The following RICTOR variants were observed in gnomAD, a reference collection of about 807,000 sequenced individuals.
RICTOR encodes the protein RPTOR independent companion of MTOR complex 2.
RICTOR carries 49 observed loss-of-function variants against 214.9 expected under a neutral mutation model. That is an observed-to-expected ratio of 0.23 (90% CI 0.18 to 0.29). The LOEUF (loss-of-function observed/expected upper bound fraction) is 0.29. Among genes scored for constraint, RICTOR ranks in the 10% least tolerant of loss-of-function variants. The pLI is 1.00. For synonymous variants in RICTOR, 717 were observed against 711.3 expected (o/e 1.01, Z -0.13); for missense variants, 1,625 against 2,047.0 (o/e 0.79, Z 3.98).
At chr5:38,992,943 A>G (rs1425926159) in intron 6 of RICTOR, among the ~76,000 whole-genome samples, 1 of 152,182 alleles carries the variant, frequency 6.6e-6, no homozygotes, top group Admixed American at 6.5e-5. Context: ...TGAGTTACCT[A>G]AGGGGAATAT....
Position 38,975,730 on chromosome 5 carries a change from C to A in RICTOR, c.822-126G>T. On this transcript the variant is annotated intron_variant, in intron 9 of 37. Coordinates refer to ENST00000357387, the MANE Select transcript of RICTOR (RefSeq NM_152756.5). ...TAAACATTTACACATAAAATTAAAACAAGACAAAGATCAGATCTACACTAA... is the reference window on the plus strand; with the variant it reads ...TAAACATTTACACATAAAATTAAAAAAAGACAAAGATCAGATCTACACTAA... The A allele has an allele frequency of 7.2e-6, 4 of 557,822 alleles. No homozygotes were observed. The Admixed American group carries it at 9.4e-5, about 13-fold the overall frequency. 34.6% of individuals were successfully genotyped at this position (557,822 alleles called of 1,614,324 possible). A position where few individuals can be genotyped will look rare whatever the true frequency, so the allele number is the denominator to read the frequency against.
At chr5:38,990,837 T>TATATG (rs1561503657) in intron 7 of RICTOR, 112 bp downstream of exon 7, 28 of 256,094 alleles carry the variant, frequency 1.1e-4, no homozygotes, top group African/African-American at 9.4e-4. Flanking sequence ...ATATATGAGA[T>TATATG]ATATGAGATA....
intron 2 of RICTOR, among the ~76,000 whole-genome samples, chr5:39,038,390 T>C (rs566138530): frequency 6.6e-6 from 1 of 152,234 alleles, no homozygotes; most frequent in Non-Finnish European, 1.5e-5. Flanking sequence ...ACTGGAAGCA[T>C]TCCCTTTCAA....
chr5:39,056,696 A>G (rs1758230700), intron 2 of RICTOR, among the ~76,000 whole-genome samples: 1 of 152,158 alleles, frequency 6.6e-6, no homozygotes, highest in Non-Finnish European at 1.5e-5. Flanking sequence ...AAGAGGAGCT[A>G]CTTCAGACAC....
intron 12 of RICTOR, among the ~76,000 whole-genome samples, 156 bp from the exon 13 acceptor site, chr5:38,967,583 A>G (rs2150033105): frequency 1.3e-5 from 2 of 152,318 alleles, no homozygotes; most frequent in South Asian, 4.1e-4. Context: ...TTAGTTATGT[A>G]AATACACGCA....
chr5:38,938,113 T>A lies in RICTOR; in HGVS notation c.*4191A>T, dbSNP rs2112737611. ...AATTATACACAACTCAATGAAATAT[T>A]CTTACAGAAAAAATATAAATACTTT... is the stretch of plus-strand genomic sequence containing the variant. On this transcript the variant is annotated 3_prime_UTR_variant, in exon 38 of 38. Transcript: ENST00000357387. 1 of 209,820 alleles carries A rather than the reference T, an allele frequency of 4.8e-6. No individual in the cohort carries two copies. Among genetic ancestry groups the A allele is most frequent in the South Asian group, 1.9e-4 (1 of 5,322 alleles). The allele number at this position is 209,820 out of a possible 1,614,324, so 13.0% of individuals were successfully genotyped here.
At chr5:39,021,654 T>C (rs1160142672) in intron 2 of RICTOR, among the ~76,000 whole-genome samples, 5 of 152,130 alleles carry the variant, frequency 3.3e-5, no homozygotes, top group Non-Finnish European at 5.9e-5. Flanking sequence ...CAGTGCTCTC[T>C]TGACCTTCCA....
intron 2 of RICTOR, among the ~76,000 whole-genome samples, chr5:39,051,168 A>C (rs1757816698): frequency 6.6e-6 from 1 of 152,186 alleles, no homozygotes. Flanking sequence ...ATACAAGACT[A>C]TACATAAAAT....
chr5:39,046,204 A>T (rs561637758), intron 2 of RICTOR, among the ~76,000 whole-genome samples: 2 of 151,082 alleles, frequency 1.3e-5, no homozygotes, highest in African/African-American at 4.9e-5. Flanking sequence ...TAGGGGAAAA[A>T]AAAAACAAAA....
intron 2 of RICTOR, among the ~76,000 whole-genome samples, chr5:39,050,957 G>A (rs115117570): frequency 0.019 from 2,867 of 151,882 alleles, 102 homozygotes; most frequent in African/African-American, 0.066. Flanking sequence ...ACAAAAGTAT[G>A]AATCAATAGC....
chr5:39,074,181 C>T, intron 1 of RICTOR, 23 bp from the exon 2 acceptor site: 1 of 1,592,768 alleles, frequency 6.3e-7, no homozygotes, highest in Middle Eastern at 1.7e-4. Context: ...GACACACAGC[C>T]CCAATTAGGA....
At position 39,074,390 on chromosome 5, in the gene RICTOR, C is replaced by T. The variant is rs375502279; in HGVS notation, c.-13G>A. On this transcript the variant is annotated 5_prime_UTR_variant, in exon 1 of 38. Coordinates refer to ENST00000357387, the MANE Select transcript of RICTOR (RefSeq NM_152756.5). ...CGATCGCCGCCATATTGACGGGTTT[C>T]AGTCACAACACCGGAAACCTCGCCC... 7.2e-6 allele frequency: 11 copies of T among 1,535,976 alleles called. No individual in the cohort carries two copies. The highest frequency in any genetic ancestry group is 9.6e-6 in the Non-Finnish European group (11 of 1,140,224).
intron 5 of RICTOR, among the ~76,000 whole-genome samples, chr5:38,997,738 C>A (rs1753282540): frequency 6.6e-6 from 1 of 152,106 alleles, no homozygotes; most frequent in Admixed American, 6.5e-5. Flanking sequence ...CAGGGAGCTC[C>A]ACATTCAACC....
chr5:38,963,500 A>G (rs1345318698), intron 16 of RICTOR, among the ~76,000 whole-genome samples: 1 of 151,964 alleles, frequency 6.6e-6, no homozygotes, highest in African/African-American at 2.4e-5. Flanking sequence ...TATTTTCCAC[A>G]TTGGTCTGTA....
chr5:39,023,411 C>A (rs1423511217), intron 2 of RICTOR, among the ~76,000 whole-genome samples: 2 of 151,690 alleles, frequency 1.3e-5, no homozygotes, highest in Non-Finnish European at 2.9e-5. Context: ...AATGAAGCAA[C>A]ATCTTTAAAG....
Position 38,949,948 on chromosome 5 carries a change from T to G in RICTOR, c.3900A>C (p.Ala1300=), listed in dbSNP as rs1748583404. The change falls in exon 31 of 38, where the codon GCA becomes GCC. Residue 1300 remains alanine, a synonymous_variant. Coordinates refer to ENST00000357387, the MANE Select transcript of RICTOR (RefSeq NM_152756.5). Reference sequence around the variant, plus strand: ...CAATAGAGGGTGCTTTAAGGGACTGTGCTCTTCTAGGAAGCGTATGAGAAG... The same window carrying G: ...CAATAGAGGGTGCTTTAAGGGACTGGGCTCTTCTAGGAAGCGTATGAGAAG... The part of the protein sequence containing the change: ...PGSSHTLPRR[A]QSLKAPSIAT... 1 of 1,613,476 alleles carries G rather than the reference T, an allele frequency of 6.2e-7. No homozygotes were observed. The highest frequency in any genetic ancestry group is 8.5e-7 in the Non-Finnish European group (1 of 1,179,688).
Position 38,947,274 on chromosome 5 carries a change from T to A in RICTOR, c.4304A>T (p.Asp1435Val). The A allele has an allele frequency of 6.2e-7, 1 of 1,607,920 alleles. No homozygotes were observed. The highest frequency in any genetic ancestry group is 8.5e-7 in the Non-Finnish European group (1 of 1,176,150). Residue 1435 changes from aspartate to valine, a missense_variant, in exon 32 of 38, where the codon GAT becomes GTT. Asp to Val is a radical substitution (Grantham distance 152). Coordinates refer to ENST00000357387, the MANE Select transcript of RICTOR (RefSeq NM_152756.5). Reference protein sequence around the residue: ...IGLALPVDINDIFQVKDIPYF... With the variant: ...IGLALPVDINVIFQVKDIPYF... ...AATGTATGATAATACCTGGAATATA[T>A]CATTTATATCCACCGGGAGAGCAAG...
chr5:39,041,743 G>A (rs1000909731), intron 2 of RICTOR, among the ~76,000 whole-genome samples: 1 of 152,024 alleles, frequency 6.6e-6, no homozygotes, highest in East Asian at 1.9e-4. Context: ...TGCACCAAAA[G>A]TAAATAACAA....
intron 2 of RICTOR, among the ~76,000 whole-genome samples, chr5:39,062,631 C>T (rs2150208114): frequency 6.6e-6 from 1 of 152,216 alleles, no homozygotes; most frequent in Non-Finnish European, 1.5e-5. Context: ...GTGCACACAT[C>T]TAAAACAGCT....
Sources: gnomAD v4.1 joint callset for allele counts (sites outside exome capture counted in the v4.1 genomes callset) on GRCh38, gnomAD v4.1.1 for gene constraint, MANE v1.5 for transcripts, NCBI Gene and HGNC (gene_info 2026-07-23, HGNC 2026-07-21) for gene names.